NIN: variants seen among roughly 807,000 people sequenced by gnomAD.
NIN encodes glycogen synthase kinase 3 beta-interacting protein.
NIN carries 137 observed loss-of-function variants against 257.6 expected under a neutral mutation model. That is an observed-to-expected ratio of 0.53 (90% confidence interval 0.46 to 0.61). NIN has a LOEUF of 0.61. Among genes scored for constraint, NIN ranks in the 20% least tolerant of loss-of-function variants. The pLI is 0.00. For synonymous variants in NIN, 918 were observed against 919.8 expected (o/e 1.00, Z 0.04); for missense variants, 2,439 against 2,501.2 (o/e 0.98, Z 0.53).
chr14:50,757,234 G>C lies in NIN; in HGVS notation c.3796C>G (p.Leu1266Val), dbSNP rs755099770. The part of the protein sequence containing the change: ...SRENDCLQEE[L>V]RMMETRYDEA... ...TCGTAGCGTGTCTCCATCATTCTCA[G>C]CTCTTCCTGAAGGCAGTCATTTTCT... The change falls in exon 18 of 31, where the codon CTG becomes GTG. Residue 1266 changes from leucine to valine, a missense_variant. This residue lies in a region of NIN where 2,043 missense variants were observed against 2,050.2 expected (regional missense o/e 1.00). Coordinates refer to ENST00000530997, the MANE Select transcript of NIN (RefSeq NM_020921.4). The C allele has an allele frequency of 6.8e-6, 11 of 1,614,046 alleles. No individual in the cohort carries two copies. The South Asian group carries it at 1.2e-4, about 18-fold the overall frequency.
chr14:50,797,214 T>A (rs1157657337), intron 4 of NIN, among the ~76,000 whole-genome samples: 7 of 152,214 alleles, frequency 4.6e-5, no homozygotes, highest in Admixed American at 2.0e-4. Context: ...AAGATGGATA[T>A]TTTAACTTGT....
chr14:50,720,388 C>T lies in NIN; in HGVS notation c.*3075G>A, dbSNP rs1034848716. ...TCAGCAAAAGAAATCACATAAATCA[C>T]AAAATAAAAAATTCATTTCTCACAT... On this transcript the variant is annotated 3_prime_UTR_variant, in exon 31 of 31. Coordinates refer to ENST00000530997, the MANE Select transcript of NIN (RefSeq NM_020921.4). 1.4e-5 allele frequency: 3 copies of T among 214,038 alleles called. No homozygotes were observed. Among genetic ancestry groups the T allele is most frequent in the African/African-American group, 4.5e-5 (2 of 44,272 alleles). 13.3% of individuals were successfully genotyped at this position (214,038 alleles called of 1,614,324 possible). A position where few individuals can be genotyped will look rare whatever the true frequency, so the allele number is the denominator to read the frequency against.
At position 50,826,563 on chromosome 14, in the gene NIN, G is replaced by C. The variant is rs375772718; in HGVS notation, c.-22+3901C>G. Among the ~76,000 whole-genome samples, 54 of 152,280 alleles carry C rather than the reference G, an allele frequency of 3.5e-4. No homozygotes were observed. The East Asian group carries it at 8.5e-3, about 24-fold the overall frequency. On this transcript the variant is annotated intron_variant, in intron 2 of 30. Transcript: ENST00000530997. Reference sequence around the variant, plus strand: ...GCCAAATAGGACTGCAAACTAAATAGGTGGAGGTGTGGCTAGAATCATGAG... The same window carrying C: ...GCCAAATAGGACTGCAAACTAAATACGTGGAGGTGTGGCTAGAATCATGAG...
chr14:50,823,320 C>T (rs753337788), intron 2 of NIN: 2 of 556,972 alleles, frequency 3.6e-6, no homozygotes, highest in Non-Finnish European at 7.2e-6. Context: ...ACAAGGCTCT[C>T]AGAACCAGTC....
chr14:50,773,509 G>C (rs991599256), intron 7 of NIN, among the ~76,000 whole-genome samples: 1 of 152,210 alleles, frequency 6.6e-6, no homozygotes, highest in Non-Finnish European at 1.5e-5. Context: ...GTGACCCTCA[G>C]TGATATTTTC....
At chr14:50,768,235 A>G (rs2042586975) in intron 12 of NIN, among the ~76,000 whole-genome samples, 1 of 152,006 alleles carries the variant, frequency 6.6e-6, no homozygotes, top group Non-Finnish European at 1.5e-5. Flanking sequence ...TCATACAGCA[A>G]TATAAGTAAA....
At chr14:50,811,677 A>T (rs757387443) in intron 3 of NIN, among the ~76,000 whole-genome samples, 229 of 148,540 alleles carry the variant, frequency 1.5e-3, no homozygotes, top group Admixed American at 2.0e-3. Context: ...AAGCGGGCTG[A>T]TTGCCTGAGC....
intron 2 of NIN, 59 bp from the exon 3 acceptor site, chr14:50,822,136 C>T (rs2045251713): frequency 1.2e-5 from 15 of 1,205,710 alleles, no homozygotes; most frequent in Admixed American, 7.8e-5. Flanking sequence ...CTACCGTGGT[C>T]ACCACCTGGC....
At position 50,741,473 on chromosome 14, in the gene NIN, T is replaced by C. The variant is rs1595736894; in HGVS notation, c.5448+109A>G. 1.2e-5 allele frequency: 10 copies of C among 818,988 alleles called. No homozygotes were observed. In the East Asian group the frequency reaches 2.3e-4, roughly 19 times the overall value. The allele number at this position is 818,988 out of a possible 1,614,324, so 50.7% of individuals were successfully genotyped here. On this transcript the variant is annotated intron_variant, in intron 25 of 30. Transcript: ENST00000530997. ...TATACAAACACAGATACATAAAATATGCATATTTATATGTACATACATATA... is the reference window on the plus strand; with the variant it reads ...TATACAAACACAGATACATAAAATACGCATATTTATATGTACATACATATA...
At chr14:50,726,933 G>C (rs1049624825) in intron 29 of NIN, among the ~76,000 whole-genome samples, 2 of 152,234 alleles carry the variant, frequency 1.3e-5, no homozygotes, top group East Asian at 1.9e-4. Flanking sequence ...CATCTGTTTA[G>C]ATACTAAGTA....
intron 14 of NIN, among the ~76,000 whole-genome samples, chr14:50,765,926 G>A (rs993002906): frequency 2.0e-5 from 3 of 150,426 alleles, no homozygotes; most frequent in South Asian, 2.1e-4. Flanking sequence ...GTATACATGC[G>A]CCATGCTGGT....
intron 5 of NIN, among the ~76,000 whole-genome samples, chr14:50,781,378 C>T (rs1008970558): frequency 1.3e-5 from 2 of 152,190 alleles, no homozygotes; most frequent in African/African-American, 4.8e-5. Context: ...ATGCAACACA[C>T]ACACCTTCAA....
chr14:50,798,780 C>CTATT (rs985177111), intron 4 of NIN, among the ~76,000 whole-genome samples: 3 of 152,214 alleles, frequency 2.0e-5, no homozygotes, highest in East Asian at 1.9e-4. Context: ...CCATAGCTCC[C>CTATT]TATTTATTTA....
chr14:50,749,098 G>A (rs1469809137), intron 21 of NIN, among the ~76,000 whole-genome samples: 3 of 152,066 alleles, frequency 2.0e-5, no homozygotes, highest in Non-Finnish European at 4.4e-5. Context: ...GCATGGTACT[G>A]GTACCAAAAC....
At chr14:50,743,578 G>A in intron 23 of NIN, 49 bp from the exon 24 acceptor site, 1 of 1,123,340 alleles carries the variant, frequency 8.9e-7, no homozygotes, top group South Asian at 1.2e-5. Context: ...TGCAAACATA[G>A]CTAGCCTTAA....
chr14:50,762,142 AAAAACCT>A (rs2042297661), intron 15 of NIN, among the ~76,000 whole-genome samples: 3 of 152,210 alleles, frequency 2.0e-5, no homozygotes, highest in Non-Finnish European at 2.9e-5. Flanking sequence ...AGGCAGTGGA[AAAAACCT>A]TAATAGAATC....
chr14:50,752,787 A>C (rs2041846597), intron 20 of NIN, 54 bp from the exon 21 acceptor site: 2 of 975,608 alleles, frequency 2.0e-6, no homozygotes, highest in African/African-American at 3.4e-5. Flanking sequence ...TGTGCTAAAA[A>C]AAAAAAAAAA....
At chr14:50,789,113 AAT>A (rs1254420167) in intron 5 of NIN, among the ~76,000 whole-genome samples, 2 of 152,324 alleles carry the variant, frequency 1.3e-5, no homozygotes, top group East Asian at 3.9e-4. Context: ...CTCCTTATGA[AAT>A]AGTCACATCA....
chr14:50,811,851 A>G (rs1020306233), intron 3 of NIN, among the ~76,000 whole-genome samples: 8 of 151,974 alleles, frequency 5.3e-5, no homozygotes, highest in South Asian at 2.1e-4. Flanking sequence ...AAAATTAGCC[A>G]GGCGTGGTGG....
Sources: allele counts gnomAD v4.1 joint callset (sites outside exome capture counted in the v4.1 genomes callset), GRCh38; gene constraint gnomAD v4.1.1; regional missense constraint gnomAD v4.1.1; transcripts MANE v1.5; gene names NCBI Gene and HGNC (gene_info 2026-07-23, HGNC 2026-07-21).